Variants in TMEM132D observed in about 807,000 individuals in gnomAD.
The protein encoded by TMEM132D is transmembrane protein 132D.
TMEM132D carries 21 observed loss-of-function variants against 62.3 expected under a neutral mutation model. The observed-to-expected ratio is 0.34, with a 90% CI of 0.24 to 0.49. The LOEUF is 0.49. Ranked by LOEUF, TMEM132D falls within the 20% of genes least tolerant of loss-of-function variation. The pLI is 0.99. For synonymous variants in TMEM132D, 621 were observed against 575.6 expected, an observed-to-expected ratio of 1.08 and a Z score of -1.13; for missense variants, 1,346 against 1,402.8, an observed-to-expected ratio of 0.96 and a Z score of 0.65.
intron 4 of TMEM132D, among the ~76,000 whole-genome samples, chr12:129,251,450 TATC>T (rs945150096): frequency 5.3e-5 from 8 of 151,762 alleles, no homozygotes; most frequent in African/African-American, 1.5e-4. Flanking sequence ...TTGAGTTAAT[TATC>T]ATATCCCTTA....
intron 4 of TMEM132D, among the ~76,000 whole-genome samples, chr12:129,227,782 T>C (rs1257208314): frequency 1.3e-5 from 2 of 151,888 alleles, no homozygotes; most frequent in African/African-American, 4.8e-5. Flanking sequence ...TGGTGTGTAA[T>C]GTTCCCCTTC....
intron 5 of TMEM132D, among the ~76,000 whole-genome samples, chr12:129,118,418 C>A (rs1052141160): frequency 6.6e-6 from 1 of 152,208 alleles, no homozygotes; most frequent in Non-Finnish European, 1.5e-5. Context: ...CAGGATGCAT[C>A]CCTCGTCAGC....
At chr12:129,765,039 C>T (rs1291643813) in intron 1 of TMEM132D, among the ~76,000 whole-genome samples, 1 of 152,158 alleles carries the variant, frequency 6.6e-6, no homozygotes, top group Non-Finnish European at 1.5e-5. Context: ...GCAGCTAGCC[C>T]TCCAGGAGCC....
At chr12:129,824,450 C>T (rs1027064464) in intron 1 of TMEM132D, among the ~76,000 whole-genome samples, 2 of 152,160 alleles carry the variant, frequency 1.3e-5, no homozygotes, top group Non-Finnish European at 1.5e-5. Context: ...CCCCCGCCCC[C>T]AGAATTCCTA....
At chr12:129,394,617 G>C (rs1372506175) in intron 3 of TMEM132D, among the ~76,000 whole-genome samples, 1 of 152,264 alleles carries the variant, frequency 6.6e-6, no homozygotes, top group African/African-American at 2.4e-5. Flanking sequence ...GTGAGAAGCA[G>C]GGTCTAGCCG....
intron 1 of TMEM132D, among the ~76,000 whole-genome samples, chr12:129,858,504 T>C (rs868725929): frequency 3.5e-5 from 1 of 28,220 alleles, no homozygotes; most frequent in Non-Finnish European, 6.8e-5. Context: ...TGGGTGCCCT[T>C]GTAACGGAGT....
At chr12:129,611,057 A>C (rs1449787645) in intron 2 of TMEM132D, among the ~76,000 whole-genome samples, 2 of 152,210 alleles carry the variant, frequency 1.3e-5, no homozygotes, top group Admixed American at 6.5e-5. Context: ...GCAGAATTCA[A>C]ACCAGGATTG....
intron 2 of TMEM132D, among the ~76,000 whole-genome samples, chr12:129,687,026 T>C (rs1182921114): frequency 6.6e-6 from 1 of 152,208 alleles, no homozygotes; most frequent in Non-Finnish European, 1.5e-5. Flanking sequence ...AGGCTATGAC[T>C]CAATAGGAGC....
At chr12:129,618,866 A>G (rs1878988914) in intron 2 of TMEM132D, among the ~76,000 whole-genome samples, 1 of 152,172 alleles carries the variant, frequency 6.6e-6, no homozygotes, top group African/African-American at 2.4e-5. Context: ...AGAAGACATC[A>G]ATCTCTACAT....
intron 3 of TMEM132D, among the ~76,000 whole-genome samples, chr12:129,382,058 C>T (rs2128282): frequency 0.34 from 52,196 of 152,136 alleles, 9,801 homozygotes; most frequent in Non-Finnish European, 0.42. Context: ...AAAACTGTTG[C>T]TGGTGGTACA....
chr12:129,719,052 C>A (rs776897826), intron 1 of TMEM132D, among the ~76,000 whole-genome samples: 1 of 142,014 alleles, frequency 7.0e-6, no homozygotes, highest in Non-Finnish European at 1.5e-5. Context: ...GCCTGGGAAA[C>A]ATGGCGAGAC....
At chr12:129,196,597 T>C (rs1039935301) in intron 5 of TMEM132D, among the ~76,000 whole-genome samples, 2 of 152,114 alleles carry the variant, frequency 1.3e-5, no homozygotes, top group African/African-American at 2.4e-5. Context: ...GGTATGGTCC[T>C]GGGAGGAGTA....
intron 1 of TMEM132D, among the ~76,000 whole-genome samples, chr12:129,836,885 T>G (rs1002830218): frequency 6.6e-6 from 1 of 152,212 alleles, no homozygotes; most frequent in Non-Finnish European, 1.5e-5. Flanking sequence ...AAAAAACACA[T>G]TGTAGCTATA....
chr12:129,646,121 T>G (rs1190784711), intron 2 of TMEM132D, among the ~76,000 whole-genome samples: 2 of 152,210 alleles, frequency 1.3e-5, no homozygotes, highest in Non-Finnish European at 2.9e-5. Flanking sequence ...CGTACTTGAA[T>G]TATTTCCTGC....
At chr12:129,171,465 T>C (rs944475750) in intron 5 of TMEM132D, among the ~76,000 whole-genome samples, 4 of 152,352 alleles carry the variant, frequency 2.6e-5, no homozygotes, top group Middle Eastern at 3.4e-3. Flanking sequence ...ATCACACATG[T>C]GCTTAATGGC....
At chr12:129,440,407 A>T (rs1469893349) in intron 3 of TMEM132D, among the ~76,000 whole-genome samples, 1 of 152,136 alleles carries the variant, frequency 6.6e-6, no homozygotes, top group East Asian at 1.9e-4. Flanking sequence ...GGAGAGTGAA[A>T]AGACGGCCAT....
chr12:129,885,050 T>C (rs1342484313), intron 1 of TMEM132D, among the ~76,000 whole-genome samples: 2 of 152,224 alleles, frequency 1.3e-5, no homozygotes. Context: ...TGACAGTTTA[T>C]TTAACATTCT....
Position 129,298,951 on chromosome 12 carries a change from G to T in TMEM132D, c.1299+38683C>A, listed in dbSNP as rs1593328152. ...TTAAAAGACACGGTCACTGGCAAGG[G>T]CTTTTGCCATTCAAAACACTTGTTC... is the stretch of plus-strand genomic sequence containing the variant. On this transcript the variant is annotated intron_variant, in intron 4 of 8. Transcript: ENST00000422113. Among the ~76,000 whole-genome samples, 4 of 152,214 alleles carry T rather than the reference G, an allele frequency of 2.6e-5. No individual in the cohort carries two copies. In the East Asian group the frequency reaches 7.7e-4, roughly 29 times the overall value.
chr12:129,573,233 G>A (rs931024468), intron 2 of TMEM132D, among the ~76,000 whole-genome samples: 5 of 152,148 alleles, frequency 3.3e-5, no homozygotes, highest in African/African-American at 1.2e-4. Flanking sequence ...GGGCCGGGCT[G>A]GGGATGAGGA....
Sources: allele counts gnomAD v4.1 joint callset (sites outside exome capture counted in the v4.1 genomes callset), GRCh38; gene constraint gnomAD v4.1.1; transcripts MANE v1.5; gene names NCBI Gene and HGNC (gene_info 2026-07-23, HGNC 2026-07-21).